The following PHF24 variants were observed in gnomAD, a reference collection of about 807,000 sequenced individuals.
The protein encoded by PHF24 is Galpha inhibitory interacting protein.
PHF24 carries 25 observed loss-of-function variants against 42.6 expected under a neutral mutation model. That is an observed-to-expected ratio of 0.59 (90% CI 0.43 to 0.82). The LOEUF (loss-of-function observed/expected upper bound fraction) is 0.82. PHF24 is among the 40% of genes least tolerant of loss of function. The probability of loss-of-function intolerance (pLI) is 0.00; values close to 1 mark genes in which losing one functional copy is unlikely to be tolerated. For missense variants in PHF24, 470 were observed against 538.1 expected, an observed-to-expected ratio of 0.87 and a Z score of 1.25; for synonymous variants, 185 against 204.8, an observed-to-expected ratio of 0.90 and a Z score of 0.83.
the PHF24 span, among the ~76,000 whole-genome samples, chr9:34,800,590 G>T: frequency 1.3e-5 from 2 of 152,032 alleles, no homozygotes; most frequent in African/African-American, 4.8e-5. Context: ...TTTAATAAAC[G>T]GTGCCGGGAA....
At chr9:34,727,893 G>T in the PHF24 span, 1 of 815,760 alleles carries the variant, frequency 1.2e-6, no homozygotes, top group Non-Finnish European at 1.9e-6. Context: ...CTCACCCAGT[G>T]TCCCTGCTTC....
At chr9:34,886,826 G>GTATGTATGTATC in the PHF24 span, among the ~76,000 whole-genome samples, 2 of 80,808 alleles carry the variant, frequency 2.5e-5, no homozygotes, top group African/African-American at 6.4e-5. Context: ...ATGTATCTAT[G>GTATGTATGTATC]TATCTATGTA....
At chr9:34,677,473 T>C in the PHF24 span, among the ~76,000 whole-genome samples, 1 of 144,670 alleles carries the variant, frequency 6.9e-6, no homozygotes, top group Non-Finnish European at 1.5e-5. Flanking sequence ...CTTGGCTCAC[T>C]GTAAGCTCCG....
chr9:34,697,517 A>T, the PHF24 span, among the ~76,000 whole-genome samples: 1 of 152,074 alleles, frequency 6.6e-6, no homozygotes, highest in Admixed American at 6.5e-5. Flanking sequence ...ATGGGGTTTC[A>T]TCATGTTGGC....
chr9:34,961,396 T>A (rs1056042601), intron 1 of PHF24, among the ~76,000 whole-genome samples: 1 of 152,190 alleles, frequency 6.6e-6, no homozygotes, highest in African/African-American at 2.4e-5. Flanking sequence ...GATTATTTTT[T>A]CCATTAGCAC....
At chr9:34,740,878 TTCTC>T in the PHF24 span, among the ~76,000 whole-genome samples, 21 of 151,922 alleles carry the variant, frequency 1.4e-4, no homozygotes, top group African/African-American at 3.1e-4. Context: ...TGTCCTCTCT[TTCTC>T]TCTCTCTCTT....
the PHF24 span, chr9:34,723,677 C>T: frequency 2.7e-5 from 42 of 1,551,450 alleles, no homozygotes; most frequent in Non-Finnish European, 3.7e-5. Context: ...CAAAACTTGG[C>T]CTTGCAAAGT....
At chr9:34,795,419 G>A in the PHF24 span, among the ~76,000 whole-genome samples, 2 of 151,902 alleles carry the variant, frequency 1.3e-5, no homozygotes, top group African/African-American at 4.8e-5. Flanking sequence ...AGAATAAAAA[G>A]GAAGACTAAA....
At chr9:34,904,528 A>C in the PHF24 span, among the ~76,000 whole-genome samples, 4 of 152,046 alleles carry the variant, frequency 2.6e-5, no homozygotes, top group African/African-American at 9.7e-5. Context: ...TATCACATTT[A>C]TTGACTTGCA....
At chr9:34,723,559 T>A in the PHF24 span, 1 of 1,551,794 alleles carries the variant, frequency 6.4e-7, no homozygotes, top group Non-Finnish European at 8.7e-7. Context: ...GCCCTTTGCC[T>A]TTTGTCTTGG....
At chr9:34,698,058 T>G in the PHF24 span, among the ~76,000 whole-genome samples, 1 of 152,212 alleles carries the variant, frequency 6.6e-6, no homozygotes, top group Non-Finnish European at 1.5e-5. Context: ...GTGTTCCTAG[T>G]AATGAAATAG....
At chr9:34,967,185 A>G (rs1826806054) in intron 1 of PHF24, among the ~76,000 whole-genome samples, 2 of 152,356 alleles carry the variant, frequency 1.3e-5, no homozygotes, top group South Asian at 2.1e-4. Context: ...AGAAGCTTGA[A>G]TAAACTGTTC....
the PHF24 span, among the ~76,000 whole-genome samples, chr9:34,710,406 C>A: frequency 6.6e-6 from 1 of 152,030 alleles, no homozygotes; most frequent in African/African-American, 2.4e-5. Context: ...CCTCACTACG[C>A]TCCAGGATCC....
At chr9:34,727,520 G>A in the PHF24 span, among the ~76,000 whole-genome samples, 4 of 152,330 alleles carry the variant, frequency 2.6e-5, no homozygotes, top group East Asian at 7.7e-4. Flanking sequence ...CTTAAGGAGA[G>A]GATAATATAA....
the PHF24 span, among the ~76,000 whole-genome samples, chr9:34,944,888 TTAAAAA>T: frequency 6.9e-6 from 1 of 144,868 alleles, no homozygotes; most frequent in East Asian, 2.0e-4. Context: ...ACTTGTCTCT[TTAAAAA>T]AAAAAAAAAA....
chr9:34,881,972 T>A, the PHF24 span, among the ~76,000 whole-genome samples: 2 of 152,154 alleles, frequency 1.3e-5, no homozygotes, highest in South Asian at 4.1e-4. Context: ...AATAAAATAC[T>A]GGCAAACCAA....
At chr9:34,742,738 T>C in the PHF24 span, among the ~76,000 whole-genome samples, 2 of 56,694 alleles carry the variant, frequency 3.5e-5, no homozygotes, top group Non-Finnish European at 1.0e-4. Context: ...CTTCTTTTTT[T>C]CTTTTTTTTA....
At chr9:34,840,454 CTTG>C in the PHF24 span, among the ~76,000 whole-genome samples, 2 of 151,716 alleles carry the variant, frequency 1.3e-5, no homozygotes, top group East Asian at 1.9e-4. Context: ...TCTCCTCCTC[CTTG>C]TTCTTCTTCT....
At chr9:34,665,851 T>G in the PHF24 span, 1 of 599,756 alleles carries the variant, frequency 1.7e-6, no homozygotes, top group Non-Finnish European at 3.0e-6. Context: ...GCACTGGAAG[T>G]TAAGGGGTGA....
Sources: allele counts gnomAD v4.1 joint callset (sites outside exome capture counted in the v4.1 genomes callset), GRCh38; gene constraint gnomAD v4.1.1; transcripts MANE v1.5; gene names NCBI Gene and HGNC (gene_info 2026-07-23, HGNC 2026-07-21).